Variants in AP2A1 observed in about 807,000 individuals in gnomAD.
AP2A1 encodes the protein adaptor related protein complex 2 subunit alpha 1.
A neutral mutation model predicts 107.3 loss-of-function variants in AP2A1; 21 were observed. The ratio of observed to expected loss-of-function variants is 0.20; its 90% CI spans 0.14 to 0.28. The LOEUF is 0.28. Among genes scored for constraint, AP2A1 ranks in the 10% least tolerant of loss-of-function variants. The probability of loss-of-function intolerance (pLI) is 1.00; values close to 1 mark genes in which losing one functional copy is unlikely to be tolerated. For missense variants in AP2A1, 873 were observed against 1,307.7 expected, an observed-to-expected ratio of 0.67 and a Z score of 5.13; for synonymous variants, 602 against 564.8, an observed-to-expected ratio of 1.07 and a Z score of -0.93.
intron 1 of AP2A1, among the ~76,000 whole-genome samples, chr19:49,779,455 G>C (rs1282418637): frequency 8.0e-6 from 1 of 124,442 alleles, no homozygotes; most frequent in East Asian, 2.4e-4. Flanking sequence ...GCAGTGAGCC[G>C]AGATTGCACC....
chr19:49,767,033 C>G lies in AP2A1; in HGVS notation c.-101C>G. 1 of 1,299,288 alleles carries G rather than the reference C, an allele frequency of 7.7e-7. No homozygotes were observed. The highest frequency in any genetic ancestry group is 1.0e-6 in the Non-Finnish European group (1 of 982,674). 80.5% of individuals were successfully genotyped at this position (1,299,288 alleles called of 1,614,324 possible). A position where few individuals can be genotyped will look rare whatever the true frequency, so the allele number is the denominator to read the frequency against. On this transcript the variant is annotated 5_prime_UTR_variant, in exon 1 of 23. Transcript: ENST00000354293. ...AGCCCTCCCCGCGGCCGGCTCGGCT[C>G]CTTGGCGCTGCCTGGGGTCCTTTCC...
In AP2A1 at chr19:49,773,919, G is replaced by C. The variant is rs2084590867; in HGVS notation, c.67+6719G>C. On this transcript the variant is annotated intron_variant, in intron 1 of 22. Coordinates refer to ENST00000354293, the MANE Select transcript of AP2A1 (RefSeq NM_130787.3). ...GAGAGGGCAGCTCCTGCCTTGGAGAGAGAGGACAGGAGAACCGGCCAGAGA... is the reference window on the plus strand; with the variant it reads ...GAGAGGGCAGCTCCTGCCTTGGAGACAGAGGACAGGAGAACCGGCCAGAGA... Among the ~76,000 whole-genome samples the C allele has an allele frequency of 3.3e-5, 5 of 152,192 alleles. No homozygotes were observed. In the South Asian group the frequency reaches 1.0e-3, roughly 31 times the overall value.
At position 49,802,859 on chromosome 19, in the gene AP2A1, C is replaced by A; in HGVS notation, c.2115-90C>A. 2.8e-6 allele frequency: 4 copies of A among 1,440,368 alleles called. 1 individual carries two copies. The South Asian group carries it at 4.9e-5, about 18-fold the overall frequency. The allele number at this position is 1,440,368 out of a possible 1,614,324, so 89.2% of individuals were successfully genotyped here. The stretch of plus-strand genomic sequence containing the variant: ...TGGATATGTGGTTCTGGGGTTCTGT[C>A]CTTAGGGCTTGTTCTCGCACTCAAT... On this transcript the variant is annotated intron_variant, in intron 15 of 22. Transcript: ENST00000354293.
In AP2A1 at chr19:49,792,039, T is replaced by G; in HGVS notation, c.578T>G (p.Val193Gly). The G allele has an allele frequency of 6.2e-7, 1 of 1,612,482 alleles. No homozygotes were observed. Among genetic ancestry groups the G allele is most frequent in the Non-Finnish European group, 8.5e-7 (1 of 1,179,422 alleles). Residue 193 changes from valine to glycine, a missense_variant, in exon 5 of 23, where the codon GTA becomes GGA. Physicochemically the swap from Val to Gly is moderately radical, Grantham distance 109. Around this residue, in one of 4 missense-constraint regions of AP2A1, gnomAD observed 157 missense variants for 212.6 expected, o/e 0.74. Coordinates refer to ENST00000354293, the MANE Select transcript of AP2A1 (RefSeq NM_130787.3). ...ATGGGCGAGTGGACGGCGCGTGTGG[T>G]ACACCTGCTCAATGACCAGCACATG... Reference protein sequence around the residue: ...VPMGEWTARVVHLLNDQHMGV... With the variant: ...VPMGEWTARVGHLLNDQHMGV...
Position 49,795,612 on chromosome 19 carries a change from C to G in AP2A1, c.706-18C>G. On this transcript the variant is annotated intron_variant, in intron 6 of 22. Coordinates refer to ENST00000354293, the MANE Select transcript of AP2A1 (RefSeq NM_130787.3). ...TCCCACCCCAGCCCCCAACTTATTT[C>G]TTGCTCTTCCCCGCCAGATCGTCTC... 2.6e-6 allele frequency: 1 copy of G among 377,534 alleles called. No homozygotes were observed. Among genetic ancestry groups the G allele is most frequent in the Non-Finnish European group, 4.8e-6 (1 of 207,004 alleles). 23.4% of individuals were successfully genotyped at this position (377,534 alleles called of 1,614,324 possible). A position where few individuals can be genotyped will look rare whatever the true frequency, so the allele number is the denominator to read the frequency against.
At chr19:49,792,230 C>T (rs1310840411) in intron 5 of AP2A1, among the ~76,000 whole-genome samples, 166 bp downstream of exon 5, 2 of 143,242 alleles carry the variant, frequency 1.4e-5, no homozygotes, top group African/African-American at 2.6e-5. Flanking sequence ...CCTCAGCCCT[C>T]ACGCCCCCGG....
At chr19:49,796,749 CTA>C (rs1000201771) in intron 7 of AP2A1, 15 of 152,326 alleles carry the variant, frequency 9.8e-5, no homozygotes, top group Admixed American at 4.6e-4. Flanking sequence ...CTGTGTCCCT[CTA>C]TGTGTGTACA....
intron 1 of AP2A1, among the ~76,000 whole-genome samples, chr19:49,767,434 G>A (rs964569597): frequency 1.3e-5 from 2 of 151,752 alleles, no homozygotes; most frequent in African/African-American, 4.8e-5. Flanking sequence ...GGGAGGGCTT[G>A]AAAGGGGAGG....
chr19:49,793,589 G>A (rs554364442), intron 6 of AP2A1, among the ~76,000 whole-genome samples: 2 of 152,234 alleles, frequency 1.3e-5, no homozygotes, highest in Non-Finnish European at 2.9e-5. Flanking sequence ...GCTCCATGTC[G>A]GGTGACACCA....
At chr19:49,792,108 C>T (rs1046207303) in intron 5 of AP2A1, 44 bp downstream of exon 5, 2 of 1,596,186 alleles carry the variant, frequency 1.3e-6, no homozygotes, top group Admixed American at 1.7e-5. Context: ...AGGGCTCCCA[C>T]CTCAGCCCTG....
At chr19:49,782,935 C>G (rs555543480) in intron 4 of AP2A1, among the ~76,000 whole-genome samples, 1 of 152,322 alleles carries the variant, frequency 6.6e-6, no homozygotes, top group East Asian at 1.9e-4. Context: ...AGGCTGCTCC[C>G]GGCAAAGCCA....
At position 49,801,438 on chromosome 19, in the gene AP2A1, C is replaced by T. The variant is rs936999019; in HGVS notation, c.1602C>T (p.Ser534=). 17 of 1,613,720 alleles carry T rather than the reference C, an allele frequency of 1.1e-5. No homozygotes were observed. The highest frequency in any genetic ancestry group is 4.0e-5 in the African/African-American group (3 of 74,918). Reference sequence around the variant, plus strand: ...TCCACTCCAAGTTCCATCTGTGCAGCGTGGCCACGCGGGCGCTGCTGCTGT... The same window carrying T: ...TCCACTCCAAGTTCCATCTGTGCAGTGTGGCCACGCGGGCGCTGCTGCTGT... ...SLLHSKFHLC[S]VATRALLLST... is the part of the protein sequence containing the mutation. The change falls in exon 13 of 23, where the codon AGC becomes AGT. Residue 534 remains serine (S), a synonymous_variant. Transcript: ENST00000354293.
chr19:49,767,971 AG>A (rs1469980990), intron 1 of AP2A1, among the ~76,000 whole-genome samples: 1 of 151,938 alleles, frequency 6.6e-6, no homozygotes, highest in Non-Finnish European at 1.5e-5. Flanking sequence ...AACCTGTGAC[AG>A]GGAACGGGGG....
chr19:49,782,453 G>A, intron 3 of AP2A1, 78 bp from the exon 4 acceptor site: 1 of 1,461,346 alleles, frequency 6.8e-7, no homozygotes, highest in African/African-American at 1.4e-5. Context: ...CTGGGGCCTG[G>A]ACTCCTGGGT....
intron 1 of AP2A1, 151 bp from the exon 2 acceptor site, chr19:49,781,606 C>A: frequency 2.6e-6 from 2 of 766,036 alleles, no homozygotes; most frequent in South Asian, 1.8e-5. Flanking sequence ...AACTCCCAGC[C>A]AGAGAAGGGG....
intron 1 of AP2A1, among the ~76,000 whole-genome samples, chr19:49,780,961 G>C (rs2084668480): frequency 1.3e-5 from 2 of 152,280 alleles, no homozygotes; most frequent in Non-Finnish European, 2.9e-5. Context: ...GGTAGAACCT[G>C]TCAAGGGAGG....
intron 20 of AP2A1, 28 bp from the exon 21 acceptor site, chr19:49,805,844 C>A (rs747304717): frequency 1.9e-5 from 31 of 1,613,422 alleles, no homozygotes; most frequent in Non-Finnish European, 2.6e-5. Flanking sequence ...CCGTCCAGGT[C>A]CCTGACTTGA....
chr19:49,784,228 A>C (rs1372066695), intron 4 of AP2A1, among the ~76,000 whole-genome samples: 2 of 152,182 alleles, frequency 1.3e-5, no homozygotes, highest in African/African-American at 4.8e-5. Context: ...GGAGTTCGAG[A>C]CCAGCCTGGC....
intron 1 of AP2A1, among the ~76,000 whole-genome samples, chr19:49,775,158 G>A (rs937388172): frequency 1.1e-4 from 16 of 152,118 alleles, no homozygotes; most frequent in Non-Finnish European, 4.4e-5. Context: ...AGCCCAGGAG[G>A]TCGAGGTTGC....
Sources: allele counts gnomAD v4.1 joint callset (sites outside exome capture counted in the v4.1 genomes callset), GRCh38; gene constraint gnomAD v4.1.1; regional missense constraint gnomAD v4.1.1; transcripts MANE v1.5; gene names NCBI Gene and HGNC (gene_info 2026-07-23, HGNC 2026-07-21).